Variants in KLF17 observed in about 807,000 individuals in gnomAD.
KLF17 encodes the protein KLF transcription factor 17.
KLF17 carries 31 observed loss-of-function variants against 34.2 expected under a neutral mutation model. The observed-to-expected ratio is 0.91, with a 90% CI of 0.68 to 1.22. The LOEUF (loss-of-function observed/expected upper bound fraction) is 1.22, where lower values mean the gene tolerates loss of function less well. Ranked by LOEUF, KLF17 falls within the 50% of genes most tolerant of loss-of-function variation. The pLI is 0.00. For missense variants in KLF17, 478 were observed against 505.2 expected (o/e 0.95, Z 0.52); for synonymous variants, 179 against 186.7 (o/e 0.96, Z 0.34).
intron 3 of KLF17, among the ~76,000 whole-genome samples, chr1:44,132,385 CT>C (rs2088122082): frequency 6.6e-6 from 1 of 152,042 alleles, no homozygotes; most frequent in African/African-American, 2.4e-5. Context: ...TTTCCCCTGC[CT>C]TTCATAAATT....
intron 1 of KLF17, among the ~76,000 whole-genome samples, chr1:44,127,692 T>TTCTTTCTTTCTTTCTC (rs753421834): frequency 1.1e-5 from 1 of 90,136 alleles, no homozygotes; most frequent in African/African-American, 5.5e-5. Context: ...CTTTCTTTCT[T>TTCTTTCTTTCTTTCTC]TTTCTTTCTT....
At chr1:44,054,404 A>G in the KLF17 span, among the ~76,000 whole-genome samples, 1 of 151,698 alleles carries the variant, frequency 6.6e-6, no homozygotes, top group Non-Finnish European at 1.5e-5. Context: ...AAATATGGGA[A>G]GATCAGTGTC....
the KLF17 span, chr1:44,104,028 T>A: frequency 1.2e-6 from 1 of 865,336 alleles, no homozygotes; most frequent in South Asian, 1.3e-5. Flanking sequence ...GCGGCTGTTG[T>A]CCATGGACAG....
chr1:44,112,841 G>T, the KLF17 span, among the ~76,000 whole-genome samples: 5 of 152,192 alleles, frequency 3.3e-5, no homozygotes, highest in Non-Finnish European at 7.3e-5. Context: ...AGAGACTTAT[G>T]TTCATGTCTA....
At chr1:44,065,488 CA>C in the KLF17 span, among the ~76,000 whole-genome samples, 1 of 141,250 alleles carries the variant, frequency 7.1e-6, no homozygotes, top group African/African-American at 2.7e-5. Flanking sequence ...AGGCTCATTG[CA>C]ACCTCTGCCT....
the KLF17 span, among the ~76,000 whole-genome samples, chr1:44,059,495 A>G: frequency 1.9e-3 from 284 of 152,258 alleles, no homozygotes; most frequent in African/African-American, 6.7e-3. Context: ...TTTGTCATCA[A>G]TATTCCCAGG....
At chr1:44,127,055 C>A (rs923129328) in intron 1 of KLF17, among the ~76,000 whole-genome samples, 8 of 144,728 alleles carry the variant, frequency 5.5e-5, no homozygotes, top group Admixed American at 1.4e-4. Context: ...TGCTACCATG[C>A]CTGGCTTGTT....
At chr1:44,103,521 C>A in the KLF17 span, 2 of 1,216,580 alleles carry the variant, frequency 1.6e-6, no homozygotes, top group South Asian at 1.2e-5. Context: ...TGCATAGCTG[C>A]TGGTGGTCTT....
intron 1 of KLF17, among the ~76,000 whole-genome samples, chr1:44,126,892 T>C (rs1040596851): frequency 6.6e-6 from 1 of 151,922 alleles, no homozygotes; most frequent in Admixed American, 6.6e-5. Flanking sequence ...TATTTAAATT[T>C]AGCATTATTA....
the KLF17 span, among the ~76,000 whole-genome samples, chr1:44,077,730 C>G: frequency 3.9e-5 from 6 of 152,208 alleles, no homozygotes; most frequent in Non-Finnish European, 8.8e-5. Context: ...GGCCTCTACA[C>G]AGTCAGAATT....
the KLF17 span, among the ~76,000 whole-genome samples, chr1:44,055,542 C>A: frequency 2.0e-5 from 3 of 152,128 alleles, no homozygotes; most frequent in Non-Finnish European, 4.4e-5. Flanking sequence ...CATAAGAAGG[C>A]AACAGGCTGG....
chr1:44,092,136 G>A, the KLF17 span, among the ~76,000 whole-genome samples: 83,989 of 151,336 alleles, frequency 0.55, 23,531 homozygotes, highest in South Asian at 0.68. Flanking sequence ...TGAGGTCGGG[G>A]GTTCGAGACC....
the KLF17 span, chr1:44,101,486 T>C: frequency 6.6e-6 from 1 of 152,216 alleles, no homozygotes; most frequent in Non-Finnish European, 1.5e-5. Flanking sequence ...TCAGGTTACT[T>C]TGTGGAATGT....
the KLF17 span, among the ~76,000 whole-genome samples, chr1:44,096,168 C>T: frequency 2.0e-5 from 3 of 152,086 alleles, no homozygotes; most frequent in Non-Finnish European, 4.4e-5. Context: ...TCCCAAACTC[C>T]TGGCCTCAAG....
At chr1:44,107,119 T>C in the KLF17 span, 1 of 152,080 alleles carries the variant, frequency 6.6e-6, no homozygotes, top group African/African-American at 2.4e-5. Flanking sequence ...TGGAGGTTTT[T>C]TTCATACAAA....
the KLF17 span, among the ~76,000 whole-genome samples, chr1:44,112,701 A>G: frequency 6.6e-6 from 1 of 152,136 alleles, no homozygotes; most frequent in Non-Finnish European, 1.5e-5. Flanking sequence ...AGTCACCGCA[A>G]TTGGCCTTCA....
chr1:44,104,117 G>C, the KLF17 span: 3 of 1,009,074 alleles, frequency 3.0e-6, no homozygotes, highest in Admixed American at 5.1e-5. Context: ...AGTTGATCTC[G>C]TCAGTCAGCC....
chr1:44,116,592 C>T (rs1243572791), upstream of KLF17, among the ~76,000 whole-genome samples: 2 of 152,280 alleles, frequency 1.3e-5, no homozygotes, highest in East Asian at 3.9e-4. Flanking sequence ...CCTTGGCAGC[C>T]CAGTCCAATC....
the KLF17 span, among the ~76,000 whole-genome samples, chr1:44,068,601 G>A: frequency 6.6e-6 from 1 of 152,182 alleles, no homozygotes; most frequent in East Asian, 1.9e-4. Context: ...ATTAGGTGGT[G>A]GGCAGTTTTT....
Sources: allele counts gnomAD v4.1 joint callset (sites outside exome capture counted in the v4.1 genomes callset), GRCh38; gene constraint gnomAD v4.1.1; transcripts MANE v1.5; gene names NCBI Gene and HGNC (gene_info 2026-07-23, HGNC 2026-07-21).